NEGR1: variants seen among roughly 807,000 people sequenced by gnomAD.
NEGR1 encodes the protein IgLON family member 4.
In NEGR1, 10 loss-of-function variants were observed where a neutral mutation model predicts 40.9. The ratio of observed to expected loss-of-function variants is 0.24; its 90% confidence interval spans 0.15 to 0.42. The LOEUF (loss-of-function observed/expected upper bound fraction) is 0.42, where lower values mean the gene tolerates loss of function less well. Among genes scored for constraint, NEGR1 ranks in the 10% least tolerant of loss-of-function variants. The pLI, the probability that NEGR1 is intolerant of heterozygous loss-of-function variation, is 1.00. For synonymous variants in NEGR1, 185 were observed against 166.8 expected (o/e 1.11, Z -0.84); for missense variants, 352 against 438.9 (o/e 0.80, Z 1.77).
chr1:71,666,483 T>C (rs1249918380), intron 4 of NEGR1, among the ~76,000 whole-genome samples: 1 of 125,200 alleles, frequency 8.0e-6, no homozygotes, highest in Non-Finnish European at 1.7e-5. Context: ...ACCTTGGATC[T>C]GTTACTGCAG....
rs115952185 is a variant in NEGR1 at position 72,048,802 on chromosome 1, A to C, written c.177-113491T>G. ...TTAACATATTTTTGACACATTCTGA[A>C]TAATTAAGTCAATTAACTGGACATT... On this transcript the variant is annotated intron_variant, in intron 1 of 6. Transcript: ENST00000357731. Among the ~76,000 whole-genome samples, 398 of 151,664 alleles carry C rather than the reference A, an allele frequency of 2.6e-3. 2 individuals carry two copies. Among genetic ancestry groups the C allele is most frequent in the African/African-American group, 9.1e-3 (378 of 41,414 alleles).
chr1:72,137,646 T>C (rs997759607), intron 1 of NEGR1, among the ~76,000 whole-genome samples: 2 of 152,048 alleles, frequency 1.3e-5, no homozygotes, highest in Non-Finnish European at 2.9e-5. Flanking sequence ...GACAAGTTGA[T>C]GAGTGCAGCA....
chr1:71,548,264 G>A (rs1647966032), intron 6 of NEGR1, among the ~76,000 whole-genome samples: 1 of 151,652 alleles, frequency 6.6e-6, no homozygotes, highest in Non-Finnish European at 1.5e-5. Flanking sequence ...TTATTTTCTG[G>A]AGATGGGGCT....
At chr1:71,852,858 T>A (rs1477361174) in intron 2 of NEGR1, among the ~76,000 whole-genome samples, 2 of 148,434 alleles carry the variant, frequency 1.3e-5, no homozygotes, top group Non-Finnish European at 3.0e-5. Context: ...GCTAACTGAC[T>A]GGAAAAAATG....
chr1:71,917,192 A>G (rs1661608822), intron 2 of NEGR1, among the ~76,000 whole-genome samples: 1 of 152,192 alleles, frequency 6.6e-6, no homozygotes, highest in Non-Finnish European at 1.5e-5. Context: ...TTGCACTGGG[A>G]TAAGGAGAGA....
Position 71,454,743 on chromosome 1 carries a change from G to T in NEGR1, c.941-47173C>A, listed in dbSNP as rs542817936. ...CTTGAACAGATCACTCCTTTCTCTT[G>T]CCTTGCTTAGAAAATGACTCACAAG... On this transcript the variant is annotated intron_variant, in intron 6 of 6. Coordinates refer to ENST00000357731, the MANE Select transcript of NEGR1 (RefSeq NM_173808.3). Among the ~76,000 whole-genome samples, 6 of 152,252 alleles carry T rather than the reference G, an allele frequency of 3.9e-5. No homozygotes were observed. In the South Asian group the frequency reaches 1.2e-3, roughly 32 times the overall value.
At chr1:71,606,318 G>T (rs1024389325) in intron 5 of NEGR1, among the ~76,000 whole-genome samples, 1 of 152,134 alleles carries the variant, frequency 6.6e-6, no homozygotes, top group Admixed American at 6.5e-5. Context: ...GGGCATGTGG[G>T]TCAGTCATCT....
intron 1 of NEGR1, among the ~76,000 whole-genome samples, chr1:71,990,578 C>T (rs1448080537): frequency 6.6e-6 from 1 of 152,008 alleles, no homozygotes; most frequent in Non-Finnish European, 1.5e-5. Context: ...ATTTGATTTA[C>T]ATAAGTTTGG....
chr1:71,637,567 TA>T (rs921753140), intron 4 of NEGR1, among the ~76,000 whole-genome samples: 2 of 151,898 alleles, frequency 1.3e-5, no homozygotes, highest in African/African-American at 4.8e-5. Context: ...TAGAGGATTA[TA>T]AAAAAATCTC....
At chr1:71,486,381 T>C (rs555534165) in intron 6 of NEGR1, 1 of 151,356 alleles carries the variant, frequency 6.6e-6, no homozygotes, top group Non-Finnish European at 1.5e-5. Context: ...ATATTTTCTT[T>C]TTTTTTTTCA....
chr1:71,502,772 A>G (rs357230), intron 6 of NEGR1, among the ~76,000 whole-genome samples: 110,428 of 152,050 alleles, frequency 0.73, 41,011 homozygotes, highest in African/African-American at 0.86. Context: ...TGGACTATAA[A>G]TTCAACCTTG....
intron 1 of NEGR1, among the ~76,000 whole-genome samples, chr1:72,265,062 T>C (rs1050743473): frequency 1.3e-5 from 2 of 151,018 alleles, no homozygotes; most frequent in Non-Finnish European, 3.0e-5. Flanking sequence ...TTTAACATTT[T>C]CTAATTAATC....
intron 1 of NEGR1, among the ~76,000 whole-genome samples, chr1:72,228,515 T>A (rs997921021): frequency 4.6e-5 from 7 of 152,138 alleles, no homozygotes; most frequent in African/African-American, 7.2e-5. Flanking sequence ...AATAACTGAA[T>A]GAGTCAATTT....
intron 6 of NEGR1, among the ~76,000 whole-genome samples, chr1:71,548,109 G>A (rs1647960681): frequency 2.0e-5 from 3 of 151,700 alleles, no homozygotes; most frequent in Admixed American, 2.0e-4. Flanking sequence ...ACAGTCTCAT[G>A]AGAGACCTTG....
In NEGR1 at chr1:71,836,492, A is replaced by C. The variant is rs185468483; in HGVS notation, c.410-60195T>G. Among the ~76,000 whole-genome samples, 823 of 149,872 alleles carry C rather than the reference A, an allele frequency of 5.5e-3. 12 individuals are homozygous for C. Among genetic ancestry groups the C allele is most frequent in the African/African-American group, 0.019 (789 of 41,164 alleles). On this transcript the variant is annotated intron_variant, in intron 2 of 6. Transcript: ENST00000357731. ...AAAATATATATGTGTATATATATAT[A>C]TATATATGAAGTCGGTACTCTTACT...
intron 6 of NEGR1, chr1:71,488,052 T>C (rs1462014409): frequency 6.6e-6 from 1 of 151,746 alleles, no homozygotes; most frequent in Non-Finnish European, 1.5e-5. Flanking sequence ...CCAGAGGTGA[T>C]TTATGTTCCA....
chr1:72,014,008 G>A (rs996594365), intron 1 of NEGR1, among the ~76,000 whole-genome samples: 1 of 139,648 alleles, frequency 7.2e-6, no homozygotes, highest in Non-Finnish European at 1.5e-5. Context: ...GGGAGAACTA[G>A]TTAATTAATC....
intron 4 of NEGR1, among the ~76,000 whole-genome samples, chr1:71,687,216 G>T (rs1434183115): frequency 1.3e-5 from 2 of 152,122 alleles, no homozygotes; most frequent in East Asian, 1.9e-4. Context: ...AAGATATTTT[G>T]TCTTTATAAT....
chr1:71,887,992 G>GAC (rs57794150), intron 2 of NEGR1, among the ~76,000 whole-genome samples: 5,453 of 138,192 alleles, frequency 0.039, 110 homozygotes, highest in South Asian at 0.047. Flanking sequence ...CTTTTGAAAG[G>GAC]ACACACACAC....
Sources: gnomAD v4.1 joint callset for allele counts (sites outside exome capture counted in the v4.1 genomes callset) on GRCh38, gnomAD v4.1.1 for gene constraint, MANE v1.5 for transcripts, NCBI Gene and HGNC (gene_info 2026-07-23, HGNC 2026-07-21) for gene names.